EHBP1: variants seen among roughly 807,000 people sequenced by gnomAD.
The protein encoded by EHBP1 is EH domain-binding protein 1.
In EHBP1, 55 loss-of-function variants were observed where a neutral mutation model predicts 144.0. The ratio of observed to expected loss-of-function variants is 0.38; its 90% CI spans 0.31 to 0.48. The LOEUF is 0.48. Ranked by LOEUF, EHBP1 falls within the 20% of genes least tolerant of loss-of-function variation. EHBP1 has a pLI of 0.98. For missense variants in EHBP1, 1,200 were observed against 1,364.2 expected (o/e 0.88, Z 1.90); for synonymous variants, 469 against 472.7 (o/e 0.99, Z 0.10).
intron 13 of EHBP1, among the ~76,000 whole-genome samples, chr2:62,953,165 C>T (rs2057483469): frequency 1.4e-5 from 2 of 145,258 alleles, no homozygotes; most frequent in African/African-American, 2.6e-5. Context: ...TGCGGTGAGC[C>T]GAGCTGGCGC....
chr2:62,837,071 G>A (rs1462886895), intron 7 of EHBP1, among the ~76,000 whole-genome samples: 1 of 139,086 alleles, frequency 7.2e-6, no homozygotes, highest in African/African-American at 2.7e-5. Flanking sequence ...AGGAAAAAAT[G>A]TTAAGGGCAG....
At chr2:62,774,376 GAAAA>G (rs796115825) in intron 5 of EHBP1, among the ~76,000 whole-genome samples, 3 of 76,382 alleles carry the variant, frequency 3.9e-5, no homozygotes, top group African/African-American at 1.5e-4. Flanking sequence ...GTCTCAAAAA[GAAAA>G]AAAAAAAAAA....
chr2:62,982,351 A>G (rs1025358313), intron 15 of EHBP1, among the ~76,000 whole-genome samples: 2 of 152,202 alleles, frequency 1.3e-5, no homozygotes, highest in Non-Finnish European at 2.9e-5. Flanking sequence ...CTTGAACAAT[A>G]TATGAATGAA....
chr2:62,825,301 G>A (rs2152601875), intron 5 of EHBP1, among the ~76,000 whole-genome samples: 2 of 152,040 alleles, frequency 1.3e-5, no homozygotes, highest in Middle Eastern at 3.4e-3. Context: ...GTTCTCCTAG[G>A]CTATTCTGTA....
intron 3 of EHBP1, among the ~76,000 whole-genome samples, chr2:62,750,191 T>G (rs1262280776): frequency 6.6e-6 from 1 of 152,230 alleles, no homozygotes; most frequent in Non-Finnish European, 1.5e-5. Flanking sequence ...CAGTTTCAGC[T>G]TTCTACCTAT....
chr2:62,712,154 G>C lies in EHBP1; in HGVS notation c.104+4859G>C, dbSNP rs2035204001. Among the ~76,000 whole-genome samples the C allele has an allele frequency of 2.0e-5, 3 of 152,288 alleles. No individual in the cohort carries two copies. In the South Asian group the frequency reaches 6.2e-4, roughly 32 times the overall value. On this transcript the variant is annotated intron_variant, in intron 2 of 22. Transcript: ENST00000431489. ...GAAAAGTCTTTGAGTGAGAGAAAGA[G>C]AAAAGGATCCAGAACACAAGTGGAA...
At chr2:62,842,174 C>T (rs1402252516) in intron 7 of EHBP1, among the ~76,000 whole-genome samples, 1 of 152,080 alleles carries the variant, frequency 6.6e-6, no homozygotes, top group Admixed American at 6.6e-5. Context: ...GTAACTTCCA[C>T]CTCCCAGGTT....
At chr2:62,810,743 A>G (rs1183815053) in intron 5 of EHBP1, among the ~76,000 whole-genome samples, 2 of 152,236 alleles carry the variant, frequency 1.3e-5, no homozygotes, top group African/African-American at 4.8e-5. Context: ...CTAACAGATT[A>G]TTATATTTCT....
chr2:62,718,544 A>C (rs1267627846), intron 2 of EHBP1, among the ~76,000 whole-genome samples: 1 of 152,308 alleles, frequency 6.6e-6, no homozygotes, highest in East Asian at 1.9e-4. Flanking sequence ...CTTTGCAAAT[A>C]TGGAGATTTC....
intron 6 of EHBP1, 56 bp downstream of exon 6, chr2:62,826,324 T>G: frequency 6.9e-7 from 1 of 1,459,262 alleles, no homozygotes; most frequent in Non-Finnish European, 9.1e-7. Context: ...ACACCATAGC[T>G]TTTGACTCAG....
intron 5 of EHBP1, among the ~76,000 whole-genome samples, chr2:62,788,397 T>C (rs537532870): frequency 2.0e-5 from 3 of 152,090 alleles, no homozygotes; most frequent in African/African-American, 7.2e-5. Context: ...TTTGATAGTA[T>C]AGGTGGAGGG....
intron 14 of EHBP1, among the ~76,000 whole-genome samples, chr2:62,960,724 G>T (rs1159978256): frequency 1.3e-5 from 2 of 152,116 alleles, no homozygotes; most frequent in African/African-American, 4.8e-5. Flanking sequence ...GCTATAAGGA[G>T]GTTCTTAGTA....
At chr2:62,845,554 T>C (rs1184342698) in intron 7 of EHBP1, among the ~76,000 whole-genome samples, 1 of 152,126 alleles carries the variant, frequency 6.6e-6, no homozygotes, top group Non-Finnish European at 1.5e-5. Flanking sequence ...ATCCCACCTT[T>C]TATTAGAAGG....
At chr2:62,894,141 A>G (rs2052688157) in intron 10 of EHBP1, among the ~76,000 whole-genome samples, 1 of 152,100 alleles carries the variant, frequency 6.6e-6, no homozygotes, top group Non-Finnish European at 1.5e-5. Context: ...AGCCCCTACT[A>G]TGTGTAAGGA....
chr2:62,865,478 A>G (rs2049967213), intron 9 of EHBP1, among the ~76,000 whole-genome samples: 2 of 152,182 alleles, frequency 1.3e-5, no homozygotes, highest in Non-Finnish European at 2.9e-5. Flanking sequence ...CATTTGCCCA[A>G]ATCTGGAGTG....
chr2:62,865,492 A>C (rs1450045939), intron 9 of EHBP1, among the ~76,000 whole-genome samples: 1 of 152,166 alleles, frequency 6.6e-6, no homozygotes, highest in Non-Finnish European at 1.5e-5. Context: ...TGGAGTGGGG[A>C]TAAAAAGGGG....
chr2:62,892,152 A>T (rs1357612035), intron 10 of EHBP1, among the ~76,000 whole-genome samples: 1 of 152,200 alleles, frequency 6.6e-6, no homozygotes, highest in Non-Finnish European at 1.5e-5. Context: ...AAATTCTTAG[A>T]GATTAATAGT....
At chr2:62,892,493 T>C (rs1399950874) in intron 10 of EHBP1, among the ~76,000 whole-genome samples, 1 of 152,150 alleles carries the variant, frequency 6.6e-6, no homozygotes, top group Non-Finnish European at 1.5e-5. Context: ...GAGGTTGTCA[T>C]TTGGCTTGAC....
chr2:62,740,419 C>T (rs747150417), intron 2 of EHBP1, among the ~76,000 whole-genome samples: 1 of 152,072 alleles, frequency 6.6e-6, no homozygotes, highest in African/African-American at 2.4e-5. Context: ...GTATAATTAA[C>T]TGGAACTGTA....
Sources: gnomAD v4.1 joint callset for allele counts (sites outside exome capture counted in the v4.1 genomes callset) on GRCh38, gnomAD v4.1.1 for gene constraint, MANE v1.5 for transcripts, NCBI Gene and HGNC (gene_info 2026-07-23, HGNC 2026-07-21) for gene names.